The following SMTNL2 variants were observed in gnomAD, a reference collection of about 807,000 sequenced individuals.
The protein encoded by SMTNL2 is smoothelin like 2.
Under a neutral mutation model 44.1 loss-of-function variants are expected in SMTNL2, and 43 were observed. That is an observed-to-expected ratio of 0.98 (90% CI 0.76 to 1.26). The LOEUF (loss-of-function observed/expected upper bound fraction) is 1.26, where lower values mean the gene tolerates loss of function less well. SMTNL2 is among the 50% of genes most tolerant of loss of function. The pLI, the probability that SMTNL2 is intolerant of heterozygous loss-of-function variation, is 0.00. For missense variants in SMTNL2, 646 were observed against 670.2 expected (o/e 0.96, Z 0.40); for synonymous variants, 317 against 287.6 (o/e 1.10, Z -1.03).
Position 4,597,158 on chromosome 17 carries a change from T to A in SMTNL2, c.1108-14T>A. On this transcript the variant is annotated splice_polypyrimidine_tract_variant and intron_variant, in intron 6 of 7. Coordinates refer to ENST00000389313, the MANE Select transcript of SMTNL2 (RefSeq NM_001114974.2). ...AGCTGCCCTCCCGCACTGACCCCAC[T>A]CACCCTGTTGCAGCACGTGGACCTG... The A allele has an allele frequency of 6.2e-7, 1 of 1,611,688 alleles. No individual in the cohort carries two copies. The highest frequency in any genetic ancestry group is 8.5e-7 in the Non-Finnish European group (1 of 1,178,964).
Position 4,584,841 on chromosome 17 carries a change from GC to G in SMTNL2, c.238del (p.Gln80ArgfsTer66). 1.5e-6 allele frequency: 2 copies of G among 1,328,970 alleles called. No homozygotes were observed. Among genetic ancestry groups the G allele is most frequent in the South Asian group, 1.9e-5 (1 of 53,372 alleles). 82.3% of individuals were successfully genotyped at this position (1,328,970 alleles called of 1,614,324 possible). On this transcript the variant is annotated frameshift_variant, in exon 1 of 8. Coordinates refer to ENST00000389313, the MANE Select transcript of SMTNL2 (RefSeq NM_001114974.2). LOFTEE classifies it high-confidence loss of function. Reference sequence around the variant, plus strand: ...CAGGCGCAGCTCGAGCGCCTGACGCGCCAGGTGGAGGCGCTGGGCTTGGCCA... The same window carrying G: ...CAGGCGCAGCTCGAGCGCCTGACGCGCAGGTGGAGGCGCTGGGCTTGGCCA... ...RLQAQLERLT[R>X]QVEALGLASG...
intron 1 of SMTNL2, among the ~76,000 whole-genome samples, chr17:4,591,553 G>T (rs1909571880): frequency 6.6e-6 from 1 of 152,270 alleles, no homozygotes; most frequent in Non-Finnish European, 1.5e-5. Flanking sequence ...GAGGACAGTT[G>T]CTATAAGTGG....
In SMTNL2 at chr17:4,593,140, G is replaced by C; in HGVS notation, c.699G>C (p.Glu233Asp). The C allele has an allele frequency of 6.2e-7, 1 of 1,610,480 alleles. No homozygotes were observed. The change falls in exon 3 of 8, where the codon GAG (glutamate) becomes GAC (aspartate). Residue 233 changes from glutamate to aspartate, a missense_variant. By Grantham distance (45) the Glu-to-Asp change is conservative (BLOSUM62 2). Coordinates refer to ENST00000389313, the MANE Select transcript of SMTNL2 (RefSeq NM_001114974.2). ...GGGGCCTCAACCCAAGCCCCAGCGA[G>C]GTCATCACGCCCTGGACTCCCAGTC... ...TLGGLNPSPSEVITPWTPSPS... is the reference protein window; with the variant it reads ...TLGGLNPSPSDVITPWTPSPS...
At position 4,599,014 on chromosome 17, in the gene SMTNL2, G is replaced by C. The variant is rs754168361; in HGVS notation, c.1259+1691G>C. 1.4e-4 allele frequency among the ~76,000 whole-genome samples: 22 copies of C among 152,280 alleles called. No homozygotes were observed. The East Asian group carries it at 3.5e-3, about 24-fold the overall frequency. On this transcript the variant is annotated intron_variant, in intron 7 of 7. Transcript: ENST00000389313. ...GAAAGAATCAGAGCCAGAGGGTCTT[G>C]TAACCTGCACTTGGTATTGTAAGTC... is the stretch of plus-strand genomic sequence containing the variant.
At chr17:4,594,687 TG>T (rs1471412729) in intron 4 of SMTNL2, among the ~76,000 whole-genome samples, 1 of 147,950 alleles carries the variant, frequency 6.8e-6, no homozygotes, top group Non-Finnish European at 1.5e-5. Context: ...TGATTGGGGA[TG>T]GGGGTAGGGT....
chr17:4,588,371 G>T (rs1011560792), intron 1 of SMTNL2, among the ~76,000 whole-genome samples: 8 of 152,292 alleles, frequency 5.3e-5, no homozygotes, highest in Admixed American at 5.2e-4. Flanking sequence ...CTCAGGCCTG[G>T]GCTCCCTCAT....
At position 4,592,373 on chromosome 17, in the gene SMTNL2, G is replaced by A. The variant is rs371153210; in HGVS notation, c.412G>A (p.Asp138Asn). The A allele has an allele frequency of 1.5e-5, 25 of 1,613,554 alleles. No homozygotes were observed. The highest frequency in any genetic ancestry group is 1.6e-4 in the Middle Eastern group (1 of 6,074). ...TGTGTCTCTGTAGAGTTTGGATCAC[G>A]ATGAGGCCAGTGAGTCGGAGATGAG... ...LSGRGQSLDH[D>N]EASESEMRKT... is the part of the protein sequence containing the mutation. The change falls in exon 2 of 8, where the codon GAT becomes AAT. Residue 138 changes from aspartate (D) to asparagine (N), a missense_variant. Asp to Asn is a conservative substitution (Grantham distance 23). Coordinates refer to ENST00000389313, the MANE Select transcript of SMTNL2 (RefSeq NM_001114974.2). This position sits in a 1 kb window ranked among gnomAD's most constrained non-coding sequence, Gnocchi z 4.5.
In SMTNL2 at chr17:4,584,653, G is replaced by A; in HGVS notation, c.48G>A (p.Ala16=). Reference sequence around the variant, plus strand: ...AGGAGGCGCGCACTGTGCGCGAGGCGCTGGGCCGCTACGAGGCGGCGCTGG... The same window carrying A: ...AGGAGGCGCGCACTGTGCGCGAGGCACTGGGCCGCTACGAGGCGGCGCTGG... ...DAQEARTVRE[A]LGRYEAALEG... is the part of the protein sequence containing the mutation. The change falls in exon 1 of 8, where the codon GCG becomes GCA. Residue 16 remains alanine, a synonymous_variant. Transcript: ENST00000389313. 1 of 1,273,774 alleles carries A rather than the reference G, an allele frequency of 7.9e-7. No homozygotes were observed. The allele number at this position is 1,273,774 out of a possible 1,614,324, so 78.9% of individuals were successfully genotyped here.
At chr17:4,594,018 T>C in intron 4 of SMTNL2, 121 bp downstream of exon 4, 3 of 1,002,396 alleles carry the variant, frequency 3.0e-6, no homozygotes, top group Non-Finnish European at 4.6e-6. Flanking sequence ...CGGGGCTGGA[T>C]CTCGGGAGCA....
At position 4,592,077 on chromosome 17, in the gene SMTNL2, C is replaced by A. The variant is rs1324897126; in HGVS notation, c.400-284C>A. On this transcript the variant is annotated intron_variant, in intron 1 of 7. Coordinates refer to ENST00000389313, the MANE Select transcript of SMTNL2 (RefSeq NM_001114974.2). This position sits in a 1 kb window ranked among gnomAD's most constrained non-coding sequence, Gnocchi z 4.5. Reference sequence around the variant, plus strand: ...GGGAAAAGGTGAGGGGGCCTAATGTCATTGGAACCCTCCATCTTGACTTCT... The same window carrying A: ...GGGAAAAGGTGAGGGGGCCTAATGTAATTGGAACCCTCCATCTTGACTTCT... 6.6e-6 allele frequency among the ~76,000 whole-genome samples: 1 copy of A among 152,198 alleles called. No individual in the cohort carries two copies. The highest frequency in any genetic ancestry group is 2.1e-4 in the South Asian group (1 of 4,828).
intron 7 of SMTNL2, among the ~76,000 whole-genome samples, chr17:4,605,136 T>C (rs546806117): frequency 6.7e-6 from 1 of 149,044 alleles, no homozygotes; most frequent in East Asian, 2.0e-4. Flanking sequence ...AAGAATAATC[T>C]CTGACTTTTT....
chr17:4,584,846 G>C lies in SMTNL2; in HGVS notation c.241G>C (p.Val81Leu). The C allele has an allele frequency of 7.5e-7, 1 of 1,328,890 alleles. No individual in the cohort carries two copies. The highest frequency in any genetic ancestry group is 9.6e-7 in the Non-Finnish European group (1 of 1,039,980). 82.3% of individuals were successfully genotyped at this position (1,328,890 alleles called of 1,614,324 possible). ...GCAGCTCGAGCGCCTGACGCGCCAG[G>C]TGGAGGCGCTGGGCTTGGCCAGCGG... ...QAQLERLTRQ[V>L]EALGLASGMS... Residue 81 changes from valine to leucine, a missense_variant, in exon 1 of 8, where the codon GTG becomes CTG. Coordinates refer to ENST00000389313, the MANE Select transcript of SMTNL2 (RefSeq NM_001114974.2).
chr17:4,607,719 A>G lies in SMTNL2; in HGVS notation c.*232A>G. On this transcript the variant is annotated 3_prime_UTR_variant, in exon 8 of 8. Transcript: ENST00000389313. The surrounding 1 kb of genome is among the most constrained non-coding windows in gnomAD (Gnocchi z 4.7). ...CAGCCAAGGGCTTGGAGGAAAAGGA[A>G]AAATTATGAGAGAGAGAGAGACATT... is the stretch of plus-strand genomic sequence containing the variant. 2 of 519,236 alleles carry G rather than the reference A, an allele frequency of 3.9e-6. No homozygotes were observed. The highest frequency in any genetic ancestry group is 3.4e-5 in the East Asian group (1 of 29,694). 32.2% of individuals were successfully genotyped at this position (519,236 alleles called of 1,614,324 possible).
rs576823985 is a variant in SMTNL2, at chr17:4,600,023, C to T, written c.1259+2700C>T. 1.1e-4 allele frequency among the ~76,000 whole-genome samples: 16 copies of T among 152,254 alleles called. No individual in the cohort carries two copies. The highest frequency in any genetic ancestry group is 2.6e-4 in the African/African-American group (11 of 41,526). On this transcript the variant is annotated intron_variant, in intron 7 of 7. Transcript: ENST00000389313. The surrounding 1 kb of genome is among the most constrained non-coding windows in gnomAD (Gnocchi z 4.7). Reference sequence around the variant, plus strand: ...GCTGACTCGAGGGCGTGGGGAGGGGCGTCCACCGCAGGCCTGTGCCGGGGG... The same window carrying T: ...GCTGACTCGAGGGCGTGGGGAGGGGTGTCCACCGCAGGCCTGTGCCGGGGG...
chr17:4,602,316 T>A (rs1910076552), intron 7 of SMTNL2, among the ~76,000 whole-genome samples: 1 of 130,746 alleles, frequency 7.6e-6, no homozygotes, highest in Non-Finnish European at 1.6e-5. Context: ...AGGTGCTTTT[T>A]TTTTTTTTTT....
At chr17:4,599,887 G>A (rs1909957732) in intron 7 of SMTNL2, among the ~76,000 whole-genome samples, 1 of 152,246 alleles carries the variant, frequency 6.6e-6, no homozygotes. Context: ...GGAGCACACA[G>A]CAGGGTAAAA....
intron 5 of SMTNL2, 144 bp from the exon 6 acceptor site, chr17:4,596,716 G>T (rs1909829371): frequency 6.4e-6 from 4 of 628,478 alleles, no homozygotes; most frequent in Non-Finnish European, 1.0e-5. Context: ...GAGCCCACGT[G>T]TGCCACCAGC....
chr17:4,600,805 G>A lies in SMTNL2; in HGVS notation c.1259+3482G>A, dbSNP rs58934914. Among the ~76,000 whole-genome samples the A allele has an allele frequency of 3.2e-4, 48 of 152,260 alleles. 1 individual carries two copies. In the East Asian group the frequency reaches 7.5e-3, roughly 24 times the overall value. ...CAGGACGTGCAGCCCCAGGCTTCCC[G>A]CTTGCCCTGCGGGGAATGTGTCCTG... On this transcript the variant is annotated intron_variant, in intron 7 of 7. Coordinates refer to ENST00000389313, the MANE Select transcript of SMTNL2 (RefSeq NM_001114974.2). The surrounding 1 kb of genome is among the most constrained non-coding windows in gnomAD (Gnocchi z 4.7).
intron 1 of SMTNL2, among the ~76,000 whole-genome samples, chr17:4,587,152 C>A (rs754600964): frequency 1.3e-5 from 2 of 152,154 alleles, no homozygotes; most frequent in African/African-American, 4.8e-5. Context: ...AGTGAAGATG[C>A]GTCGGCCTGT....
Sources: gnomAD v4.1 joint callset for allele counts (sites outside exome capture counted in the v4.1 genomes callset) on GRCh38, gnomAD v4.1.1 for gene constraint, Gnocchi (gnomAD v3.1) non-coding constraint, MANE v1.5 for transcripts, NCBI Gene and HGNC (gene_info 2026-07-23, HGNC 2026-07-21) for gene names.